RCAN2: variants seen among roughly 807,000 people sequenced by gnomAD.
RCAN2 encodes regulator of calcineurin 2, also known as calcipressin-2.
Under a neutral mutation model 23.6 loss-of-function variants are expected in RCAN2, and 9 were observed. The observed-to-expected ratio is 0.38, with a 90% CI of 0.23 to 0.67. The LOEUF is 0.67. RCAN2 is among the 30% of genes least tolerant of loss of function. The pLI is 0.51. For synonymous variants in RCAN2, 109 were observed against 115.7 expected, an observed-to-expected ratio of 0.94 and a Z score of 0.37; for missense variants, 273 against 302.3, an observed-to-expected ratio of 0.90 and a Z score of 0.72.
chr6:46,240,117 C>T (rs964823621), intron 4 of RCAN2, among the ~76,000 whole-genome samples: 8 of 152,100 alleles, frequency 5.3e-5, no homozygotes, highest in African/African-American at 1.7e-4. Context: ...GCTGGGTCCT[C>T]CCTGGGAATG....
intron 2 of RCAN2, among the ~76,000 whole-genome samples, chr6:46,410,111 C>G (rs1394222556): frequency 6.6e-6 from 1 of 152,116 alleles, no homozygotes; most frequent in African/African-American, 2.4e-5. Flanking sequence ...GTATTTGCAC[C>G]AGTGACCCTC....
chr6:46,257,134 T>C (rs1766947453), intron 2 of RCAN2, among the ~76,000 whole-genome samples: 1 of 152,210 alleles, frequency 6.6e-6, no homozygotes, highest in South Asian at 2.1e-4. Flanking sequence ...AGTATTATTA[T>C]TTTTTTCAAT....
chr6:46,330,618 C>A (rs1015672481), intron 2 of RCAN2, among the ~76,000 whole-genome samples: 1 of 152,168 alleles, frequency 6.6e-6, no homozygotes, highest in Non-Finnish European at 1.5e-5. Context: ...CATCCTTTCT[C>A]CCCCTCTCCT....
intron 2 of RCAN2, among the ~76,000 whole-genome samples, chr6:46,413,682 T>C (rs548791728): frequency 1.3e-5 from 2 of 152,346 alleles, no homozygotes; most frequent in South Asian, 4.1e-4. Context: ...TGGCCCTGCC[T>C]CCTGTCTTTG....
chr6:46,466,776 C>G (rs931710596), intron 1 of RCAN2, among the ~76,000 whole-genome samples: 1 of 152,216 alleles, frequency 6.6e-6, no homozygotes, highest in Non-Finnish European at 1.5e-5. Context: ...TCACAAGTCT[C>G]AGTATCAAGT....
At chr6:46,349,456 T>C (rs540704096) in intron 2 of RCAN2, among the ~76,000 whole-genome samples, 10 of 152,092 alleles carry the variant, frequency 6.6e-5, no homozygotes, top group African/African-American at 2.2e-4. Flanking sequence ...AAATCGCTAA[T>C]GCATTCAGGG....
At chr6:46,457,284 A>G (rs1768067247) in intron 1 of RCAN2, among the ~76,000 whole-genome samples, 1 of 152,244 alleles carries the variant, frequency 6.6e-6, no homozygotes, top group Non-Finnish European at 1.5e-5. Flanking sequence ...TCTATCGTGT[A>G]TTGAGTTCCA....
At chr6:46,399,023 C>T (rs1367031039) in intron 2 of RCAN2, among the ~76,000 whole-genome samples, 2 of 151,842 alleles carry the variant, frequency 1.3e-5, no homozygotes, top group Admixed American at 1.3e-4. Context: ...AATGTTAAAT[C>T]AACTGGAGTC....
At chr6:46,394,053 T>C (rs764914613) in intron 2 of RCAN2, among the ~76,000 whole-genome samples, 2 of 152,176 alleles carry the variant, frequency 1.3e-5, no homozygotes, top group South Asian at 4.1e-4. Flanking sequence ...AGATGACCGA[T>C]GTTTGAAAGC....
At chr6:46,457,927 T>C (rs2150433487) in intron 1 of RCAN2, among the ~76,000 whole-genome samples, 1 of 152,330 alleles carries the variant, frequency 6.6e-6, no homozygotes, top group South Asian at 2.1e-4. Flanking sequence ...TGGTACATAA[T>C]TTAGTGGATT....
intron 2 of RCAN2, among the ~76,000 whole-genome samples, chr6:46,439,242 T>C (rs1767459331): frequency 1.3e-5 from 2 of 152,208 alleles, no homozygotes; most frequent in Non-Finnish European, 2.9e-5. Context: ...AAAATGTACC[T>C]GATGTAATAC....
At chr6:46,437,419 G>A (rs1228577540) in intron 2 of RCAN2, among the ~76,000 whole-genome samples, 1 of 152,108 alleles carries the variant, frequency 6.6e-6, no homozygotes, top group East Asian at 1.9e-4. Context: ...AAAATACAAG[G>A]CATGAAAATA....
chr6:46,352,248 T>C (rs929635288), intron 2 of RCAN2, among the ~76,000 whole-genome samples: 3 of 152,200 alleles, frequency 2.0e-5, no homozygotes, highest in Non-Finnish European at 4.4e-5. Context: ...TGATCTACGA[T>C]AATCAACATG....
intron 2 of RCAN2, among the ~76,000 whole-genome samples, chr6:46,250,335 G>A (rs1282289106): frequency 6.6e-6 from 1 of 152,200 alleles, no homozygotes; most frequent in Non-Finnish European, 1.5e-5. Context: ...ACTAGTATAT[G>A]TTATAAGCTA....
At chr6:46,300,135 G>GA (rs1204557026) in intron 2 of RCAN2, among the ~76,000 whole-genome samples, 4 of 151,182 alleles carry the variant, frequency 2.6e-5, no homozygotes, top group Non-Finnish European at 4.4e-5. Context: ...ACAAAAGTGG[G>GA]AAAAAAGAGG....
At chr6:46,293,325 T>C (rs1762627026) in intron 2 of RCAN2, among the ~76,000 whole-genome samples, 1 of 152,232 alleles carries the variant, frequency 6.6e-6, no homozygotes. Flanking sequence ...TATGAATTTA[T>C]AATTTCTACT....
At chr6:46,417,130 A>C (rs553784812) in intron 2 of RCAN2, among the ~76,000 whole-genome samples, 1 of 152,346 alleles carries the variant, frequency 6.6e-6, no homozygotes, top group South Asian at 2.1e-4. Context: ...TGGAGAATAC[A>C]TGTGTCATAG....
At chr6:46,416,938 C>T (rs2150410436) in intron 2 of RCAN2, among the ~76,000 whole-genome samples, 1 of 152,198 alleles carries the variant, frequency 6.6e-6, no homozygotes, top group South Asian at 2.1e-4. Context: ...TAATTTTTGT[C>T]CAAAAAATTC....
chr6:46,429,957 G>T (rs538541232), intron 2 of RCAN2, among the ~76,000 whole-genome samples: 2 of 152,312 alleles, frequency 1.3e-5, no homozygotes, highest in South Asian at 4.1e-4. Context: ...AGTTAGCATG[G>T]CTGGAGACAG....
Sources: gnomAD v4.1 joint callset for allele counts (sites outside exome capture counted in the v4.1 genomes callset) on GRCh38, gnomAD v4.1.1 for gene constraint, MANE v1.5 for transcripts, NCBI Gene and HGNC (gene_info 2026-07-23, HGNC 2026-07-21) for gene names.